Variants in MAN1B1 observed in about 807,000 individuals in gnomAD.
MAN1B1 encodes the protein endoplasmic reticulum mannosyl-oligosaccharide 1,2-alpha-mannosidase.
Under a neutral mutation model 75.5 loss-of-function variants are expected in MAN1B1, and 66 were observed. The ratio of observed to expected loss-of-function variants is 0.87; its 90% CI spans 0.72 to 1.07. The LOEUF (loss-of-function observed/expected upper bound fraction) is 1.07, where lower values mean the gene tolerates loss of function less well. MAN1B1 is among the 50% of genes least tolerant of loss of function. The pLI, the probability that MAN1B1 is intolerant of heterozygous loss-of-function variation, is 0.00. For synonymous variants in MAN1B1, 453 were observed against 382.8 expected (o/e 1.18, Z -2.14); for missense variants, 973 against 912.5 (o/e 1.07, Z -0.85).
intron 8 of MAN1B1, chr9:137,103,158 T>G: frequency 4.6e-6 from 2 of 436,972 alleles, no homozygotes; most frequent in Non-Finnish European, 9.0e-6. Flanking sequence ...TTCACACTGT[T>G]GCAGGCGTGC....
rs748607307 is a variant in MAN1B1, at chr9:137,106,335, C to A, written c.1445+20C>A. On this transcript the variant is annotated intron_variant, in intron 9 of 12. Coordinates refer to ENST00000371589, the MANE Select transcript of MAN1B1 (RefSeq NM_016219.5). ...GACACAGTGAGGCCCGGCCCGCTGC[C>A]CCCAGCTCCCGCGGCTCCCCCGTTC... 2 of 1,542,550 alleles carry A rather than the reference C, an allele frequency of 1.3e-6. No homozygotes were observed. The highest frequency in any genetic ancestry group is 2.4e-5 in the South Asian group (2 of 83,866).
rs1249259137 is a variant in MAN1B1 at position 137,089,243 on chromosome 9, AAGAC to A, written c.465+243_465+246del. The A allele has an allele frequency of 2.1e-5, 12 of 567,736 alleles. No individual in the cohort carries two copies. In the East Asian group the frequency reaches 3.8e-4, roughly 18 times the overall value. 35.2% of individuals were successfully genotyped at this position (567,736 alleles called of 1,614,324 possible). A position where few individuals can be genotyped will look rare whatever the true frequency, so the allele number is the denominator to read the frequency against. On this transcript the variant is annotated intron_variant, in intron 3 of 12. Coordinates refer to ENST00000371589, the MANE Select transcript of MAN1B1 (RefSeq NM_016219.5). ...TACTTCTGACTGTGCAGTGTTGAAT[AAGAC>A]AGACCTGTTTCCTCTCAAGAGGCCA...
In MAN1B1 at chr9:137,087,959, A is replaced by G. The variant is rs1035915607; in HGVS notation, c.220-116A>G. 1.0e-5 allele frequency: 9 copies of G among 872,472 alleles called. No homozygotes were observed. The African/African-American group carries it at 1.5e-4, about 15-fold the overall frequency. 54.0% of individuals were successfully genotyped at this position (872,472 alleles called of 1,614,324 possible). On this transcript the variant is annotated intron_variant, in intron 1 of 12. Transcript: ENST00000371589. ...CCTGTTTCCAAAAAAAAAAAGAAAT[A>G]GAGCTGAACACTGGATCTTCCAGAA...
intron 3 of MAN1B1, among the ~76,000 whole-genome samples, chr9:137,091,368 G>A (rs1409332927): frequency 6.6e-6 from 1 of 152,076 alleles, no homozygotes; most frequent in East Asian, 1.9e-4. Flanking sequence ...GCATTGACTT[G>A]GAGACATCCT....
At chr9:137,087,340 C>A (rs1206320182) in intron 1 of MAN1B1, 122 bp downstream of exon 1, 10 of 1,153,188 alleles carry the variant, frequency 8.7e-6, no homozygotes, top group African/African-American at 1.5e-5. Flanking sequence ...CCTCTCCACC[C>A]CTTCCCCGCA....
intron 5 of MAN1B1, among the ~76,000 whole-genome samples, chr9:137,098,310 C>T (rs115413881): frequency 0.023 from 3,434 of 152,340 alleles, 126 homozygotes; most frequent in African/African-American, 0.076. Context: ...CTCCCAGGTG[C>T]GGGCCTTCGG....
At chr9:137,105,859 C>T (rs1212505128) in intron 8 of MAN1B1, 2 of 635,780 alleles carry the variant, frequency 3.1e-6, no homozygotes, top group South Asian at 1.5e-5. Context: ...GGGATGAGAG[C>T]CATCCTGAAG....
chr9:137,103,873 G>C (rs1017811830), intron 8 of MAN1B1: 7 of 454,916 alleles, frequency 1.5e-5, no homozygotes, highest in Non-Finnish European at 2.6e-5. Flanking sequence ...GTGCAGGTCA[G>C]TGGTGTTACA....
intron 8 of MAN1B1, chr9:137,105,182 G>A (rs1831049629): frequency 1.3e-5 from 2 of 152,488 alleles, no homozygotes; most frequent in Non-Finnish European, 2.9e-5. Flanking sequence ...TATTTTGATA[G>A]ATAACAGATT....
chr9:137,088,159 A>G lies in MAN1B1; in HGVS notation c.304A>G (p.Ile102Val), dbSNP rs149322865. 2 of 1,614,198 alleles carry G rather than the reference A, an allele frequency of 1.2e-6. No individual in the cohort carries two copies. Among genetic ancestry groups the G allele is most frequent in the South Asian group, 1.1e-5 (1 of 91,080 alleles). The change falls in exon 2 of 13, where the codon ATC (isoleucine) becomes GTC (valine). Residue 102 changes from isoleucine to valine, a missense_variant. Physicochemically the swap from Ile to Val is conservative, Grantham distance 29. Coordinates refer to ENST00000371589, the MANE Select transcript of MAN1B1 (RefSeq NM_016219.5). ...GCTTTTCTGTGGACTCCTCTTCTAC[A>G]TCAACTTGGCTGACCATTGGAAAGG... ...FLLFCGLLFY[I>V]NLADHWKALA...
In MAN1B1 at chr9:137,099,696, T is replaced by C. The variant is rs1408050756; in HGVS notation, c.731T>C (p.Val244Ala). Residue 244 changes from valine (V) to alanine (A), a missense_variant and splice_region_variant, in exon 6 of 13, where the codon GTG (valine) becomes GCG (alanine). Physicochemically the swap from Val to Ala is moderately conservative, Grantham distance 64. Coordinates refer to ENST00000371589, the MANE Select transcript of MAN1B1 (RefSeq NM_016219.5). The part of the protein sequence containing the change: ...LPPARTQGTP[V>A]HLNYRQKGVI... Reference sequence around the variant, plus strand: ...GCCTGTGCTCTCTCCCCCCTACTAGTGCATCTGAACTATCGCCAGAAGGGC... The same window carrying C: ...GCCTGTGCTCTCTCCCCCCTACTAGCGCATCTGAACTATCGCCAGAAGGGC... The C allele has an allele frequency of 5.0e-6, 8 of 1,614,160 alleles. No individual in the cohort carries two copies. Among genetic ancestry groups the C allele is most frequent in the African/African-American group, 1.3e-5 (1 of 75,074 alleles).
chr9:137,099,012 T>C (rs1169006518), intron 5 of MAN1B1, among the ~76,000 whole-genome samples: 1 of 152,184 alleles, frequency 6.6e-6, no homozygotes, highest in Non-Finnish European at 1.5e-5. Context: ...GTATTTTTAG[T>C]AGAGACGGGG....
intron 5 of MAN1B1, among the ~76,000 whole-genome samples, chr9:137,099,152 C>T (rs769211139): frequency 6.6e-5 from 10 of 152,208 alleles, no homozygotes; most frequent in Non-Finnish European, 1.0e-4. Context: ...AAAAAGGGAA[C>T]GAAGGGACTG....
intron 4 of MAN1B1, 72 bp from the exon 5 acceptor site, chr9:137,097,756 G>A (rs1830692188): frequency 1.8e-5 from 22 of 1,190,008 alleles, no homozygotes; most frequent in Non-Finnish European, 2.7e-5. Context: ...CCGTGGGTAT[G>A]GAGCGTGGGG....
At chr9:137,097,552 C>T (rs947265276) in intron 4 of MAN1B1, among the ~76,000 whole-genome samples, 7 of 152,168 alleles carry the variant, frequency 4.6e-5, no homozygotes, top group South Asian at 2.1e-4. Flanking sequence ...CCCCCGCCTC[C>T]GGCCTCTGCA....
intron 8 of MAN1B1, chr9:137,105,201 C>T (rs1200148707): frequency 1.3e-5 from 2 of 152,504 alleles, no homozygotes; most frequent in African/African-American, 2.4e-5. Flanking sequence ...TTGTCATTTT[C>T]ATGAAGCACA....
At chr9:137,092,621 T>C (rs1441470379) in intron 3 of MAN1B1, among the ~76,000 whole-genome samples, 3 of 152,262 alleles carry the variant, frequency 2.0e-5, no homozygotes. Flanking sequence ...GTACGTAAAC[T>C]ATTAAGAGTT....
chr9:137,098,038 G>T, intron 5 of MAN1B1, 101 bp downstream of exon 5: 1 of 846,812 alleles, frequency 1.2e-6, no homozygotes, highest in Non-Finnish European at 1.9e-6. Context: ...CCCCCGCCCT[G>T]GTGTGCACCT....
In MAN1B1 at chr9:137,108,745, A is replaced by G; in HGVS notation, c.*154A>G. On this transcript the variant is annotated 3_prime_UTR_variant, in exon 13 of 13. Coordinates refer to ENST00000371589, the MANE Select transcript of MAN1B1 (RefSeq NM_016219.5). The stretch of plus-strand genomic sequence containing the variant: ...CCTCCTCGTCTCTGCTTTAATCAGG[A>G]CACCGTGAGGACAAGTGAGGCCGTC... 1 of 760,456 alleles carries G rather than the reference A, an allele frequency of 1.3e-6. No homozygotes were observed. The highest frequency in any genetic ancestry group is 2.0e-5 in the Admixed American group (1 of 50,570). 47.1% of individuals were successfully genotyped at this position (760,456 alleles called of 1,614,324 possible). A position where few individuals can be genotyped will look rare whatever the true frequency, so the allele number is the denominator to read the frequency against.
Sources: gnomAD v4.1 joint callset for allele counts (sites outside exome capture counted in the v4.1 genomes callset) on GRCh38, gnomAD v4.1.1 for gene constraint, MANE v1.5 for transcripts, NCBI Gene and HGNC (gene_info 2026-07-23, HGNC 2026-07-21) for gene names.